RAB3GAP1: variants seen among roughly 807,000 people sequenced by gnomAD.
RAB3GAP1 encodes RAB3 GTPase activating protein catalytic subunit 1, also known as rab3 GTPase-activating protein catalytic subunit.
In RAB3GAP1, 86 loss-of-function variants were observed where a neutral mutation model predicts 130.7. The ratio of observed to expected loss-of-function variants is 0.66; its 90% CI spans 0.55 to 0.79. RAB3GAP1 has a LOEUF of 0.79. Among genes scored for constraint, RAB3GAP1 ranks in the 30% least tolerant of loss-of-function variants. The probability of loss-of-function intolerance (pLI) is 0.00; values close to 1 mark genes in which losing one functional copy is unlikely to be tolerated. For missense variants in RAB3GAP1, 1,029 were observed against 1,169.4 expected (o/e 0.88, Z 1.75); for synonymous variants, 367 against 401.7 (o/e 0.91, Z 1.03).
downstream of RAB3GAP1, among the ~76,000 whole-genome samples, chr2:135,171,233 A>C (rs754970796): frequency 1.3e-5 from 2 of 152,144 alleles, no homozygotes; most frequent in Non-Finnish European, 2.9e-5. Flanking sequence ...TGGTGAGGTG[A>C]ACTAAGGCAA....
intron 8 of RAB3GAP1, among the ~76,000 whole-genome samples, chr2:135,121,978 A>G (rs1397323245): frequency 6.6e-6 from 1 of 152,058 alleles, no homozygotes; most frequent in African/African-American, 2.4e-5. Flanking sequence ...CTATAATCCC[A>G]GCTACTCTGG....
intron 17 of RAB3GAP1, among the ~76,000 whole-genome samples, chr2:135,147,363 C>A (rs533373296): frequency 1.3e-5 from 2 of 150,692 alleles, no homozygotes; most frequent in Admixed American, 1.3e-4. Context: ...AAAAAAAAAT[C>A]TTTTAACAAA....
intron 8 of RAB3GAP1, among the ~76,000 whole-genome samples, chr2:135,123,613 A>T (rs573742301): frequency 6.6e-6 from 1 of 152,260 alleles, no homozygotes; most frequent in South Asian, 2.1e-4. Context: ...GAACTAAGGG[A>T]ATGATTTACC....
chr2:135,149,112 G>A (rs1309987701), intron 17 of RAB3GAP1, among the ~76,000 whole-genome samples: 2 of 152,128 alleles, frequency 1.3e-5, no homozygotes, highest in Non-Finnish European at 2.9e-5. Flanking sequence ...AAATTTCCAA[G>A]TGGGAGAGAT....
chr2:135,171,042 C>G (rs1444694000), downstream of RAB3GAP1, among the ~76,000 whole-genome samples: 2 of 152,014 alleles, frequency 1.3e-5, no homozygotes, highest in Non-Finnish European at 2.9e-5. Flanking sequence ...AAGAAGGCCA[C>G]TCTAGGGTGA....
chr2:135,132,705 C>G (rs1691582678), intron 13 of RAB3GAP1, among the ~76,000 whole-genome samples, 190 bp from the exon 14 acceptor site: 2 of 152,026 alleles, frequency 1.3e-5, no homozygotes, highest in Middle Eastern at 3.4e-3. Context: ...TCACTGAAAC[C>G]TTGTATATTT....
At chr2:135,054,268 G>A (rs1178604941) in intron 2 of RAB3GAP1, among the ~76,000 whole-genome samples, 1 of 152,174 alleles carries the variant, frequency 6.6e-6, no homozygotes, top group African/African-American at 2.4e-5. Flanking sequence ...TAATTCAGAT[G>A]CTGCTGGTCA....
intron 5 of RAB3GAP1, among the ~76,000 whole-genome samples, chr2:135,108,642 TC>T (rs1690700930): frequency 1.3e-5 from 2 of 152,134 alleles, no homozygotes; most frequent in African/African-American, 4.8e-5. Flanking sequence ...TATGGTTTTC[TC>T]TTTCATTCTC....
chr2:135,156,845 C>T (rs1692327779), intron 19 of RAB3GAP1, among the ~76,000 whole-genome samples: 2 of 151,984 alleles, frequency 1.3e-5, no homozygotes, highest in South Asian at 2.1e-4. Context: ...AGTGGTATGA[C>T]TCTATACTTG....
chr2:135,090,993 T>C lies in RAB3GAP1; in HGVS notation c.151-5T>C. On this transcript the variant is annotated splice_polypyrimidine_tract_variant and splice_region_variant and intron_variant, in intron 3 of 23. Coordinates refer to ENST00000264158, the MANE Select transcript of RAB3GAP1 (RefSeq NM_012233.3). ...AATATTTTGCCATTTTATTGGTACA[T>C]ATAGGGTATATTTACTTCTGGCACA... The C allele has an allele frequency of 6.2e-7, 1 of 1,611,144 alleles. No homozygotes were observed. Among genetic ancestry groups the C allele is most frequent in the Non-Finnish European group, 8.5e-7 (1 of 1,177,578 alleles).
At chr2:135,092,499 C>T (rs1690172340) in intron 4 of RAB3GAP1, among the ~76,000 whole-genome samples, 1 of 152,146 alleles carries the variant, frequency 6.6e-6, no homozygotes, top group South Asian at 2.1e-4. Flanking sequence ...GGCAATGGCG[C>T]GATCTCAGCT....
At chr2:135,164,488 A>C (rs1692571156) in intron 22 of RAB3GAP1, 106 bp from the exon 23 acceptor site, 2 of 815,288 alleles carry the variant, frequency 2.5e-6, no homozygotes, top group Non-Finnish European at 4.2e-6. Flanking sequence ...GGGTTTAGCC[A>C]GTATCAGCTT....
Position 135,052,495 on chromosome 2 carries a change from T to C in RAB3GAP1, c.74+10T>C, listed in dbSNP as rs1688908432. 6 of 1,613,224 alleles carry C rather than the reference T, an allele frequency of 3.7e-6. No individual in the cohort carries two copies. The highest frequency in any genetic ancestry group is 5.1e-6 in the Non-Finnish European group (6 of 1,180,018). On this transcript the variant is annotated intron_variant, in intron 2 of 23. Transcript: ENST00000264158. The stretch of plus-strand genomic sequence containing the variant: ...CCTCGGAATGGGAAAGGTGAGTGAA[T>C]CGCATTTTTGGTTACCAGCTCCCAT...
intron 3 of RAB3GAP1, among the ~76,000 whole-genome samples, chr2:135,065,434 T>C (rs1487893755): frequency 6.6e-6 from 1 of 152,206 alleles, no homozygotes; most frequent in Non-Finnish European, 1.5e-5. Context: ...GAAGCAGATA[T>C]GAGAATATAG....
chr2:135,146,654 G>A (rs1005781809), intron 17 of RAB3GAP1, among the ~76,000 whole-genome samples: 2 of 152,118 alleles, frequency 1.3e-5, no homozygotes, highest in Non-Finnish European at 2.9e-5. Flanking sequence ...TACAAGCTAT[G>A]TTTCCTTTCT....
Position 135,130,711 on chromosome 2 carries a change from C to T in RAB3GAP1, c.1226C>T (p.Thr409Ile), listed in dbSNP as rs149010855. The change falls in exon 13 of 24, where the codon ACT becomes ATT. Residue 409 changes from threonine to isoleucine, a missense_variant. By Grantham distance (89) the Thr-to-Ile change is moderately conservative. Around this residue, in one of 3 missense-constraint regions of RAB3GAP1, gnomAD observed 510 missense variants for 532.1 expected, o/e 0.96. Transcript: ENST00000264158. Reference sequence around the variant, plus strand: ...CCGCTAAATAATGATGTTCTTAATACTATTCTCCTGGTAACTAAATGTTCT... The same window carrying T: ...CCGCTAAATAATGATGTTCTTAATATTATTCTCCTGGTAACTAAATGTTCT... The part of the protein sequence containing the change: ...ESPLNNDVLN[T>I]ILLFLFPDAV... 90 of 1,612,414 alleles carry T rather than the reference C, an allele frequency of 5.6e-5. 1 individual carries two copies. In the African/African-American group the frequency reaches 1.2e-3, roughly 21 times the overall value.
In RAB3GAP1 at chr2:135,053,034, C is replaced by G. The variant is rs373197877; in HGVS notation, c.74+549C>G. 2.2e-4 allele frequency among the ~76,000 whole-genome samples: 33 copies of G among 152,296 alleles called. No individual in the cohort carries two copies. The South Asian group carries it at 5.8e-3, about 27-fold the overall frequency. On this transcript the variant is annotated intron_variant, in intron 2 of 23. Coordinates refer to ENST00000264158, the MANE Select transcript of RAB3GAP1 (RefSeq NM_012233.3). ...GAGACAGAGTCTCAGTCTGTCCGCC[C>G]AGGCCGGAGTGCAGTGGCGAGGTCA...
intron 17 of RAB3GAP1, among the ~76,000 whole-genome samples, chr2:135,147,974 T>A (rs1212215965): frequency 2.3e-5 from 2 of 86,980 alleles, no homozygotes; most frequent in African/African-American, 5.7e-5. Context: ...GCTTTATTTT[T>A]CTTCAAAAGG....
intron 3 of RAB3GAP1, among the ~76,000 whole-genome samples, chr2:135,073,038 G>A (rs1030663826): frequency 2.0e-5 from 3 of 152,182 alleles, no homozygotes; most frequent in African/African-American, 4.8e-5. Context: ...AGCTTTCCCG[G>A]GAGAAATAGG....
Sources: allele counts gnomAD v4.1 joint callset (sites outside exome capture counted in the v4.1 genomes callset), GRCh38; gene constraint gnomAD v4.1.1; regional missense constraint gnomAD v4.1.1; transcripts MANE v1.5; gene names NCBI Gene and HGNC (gene_info 2026-07-23, HGNC 2026-07-21).